The following MACROD2 variants were observed in gnomAD, a reference collection of about 807,000 sequenced individuals.
The protein encoded by MACROD2 is mono-ADP ribosylhydrolase 2.
A neutral mutation model predicts 70.4 loss-of-function variants in MACROD2; 36 were observed. The ratio of observed to expected loss-of-function variants is 0.51; its 90% CI spans 0.39 to 0.68. MACROD2 has a LOEUF of 0.68. Ranked by LOEUF, MACROD2 falls within the 30% of genes least tolerant of loss-of-function variation. MACROD2 has a pLI of 0.00. For synonymous variants in MACROD2, 172 were observed against 178.8 expected (o/e 0.96, Z 0.30); for missense variants, 496 against 538.4 (o/e 0.92, Z 0.78).
chr20:15,160,604 C>T (rs799175), intron 5 of MACROD2, among the ~76,000 whole-genome samples: 75,871 of 151,826 alleles, frequency 0.5, 19,142 homozygotes, highest in East Asian at 0.56. Context: ...AAAATAGACA[C>T]GATCCCATTT....
chr20:14,547,338 C>A, intron 4 of MACROD2: 1 of 237,336 alleles, frequency 4.2e-6, no homozygotes. Context: ...AAACAAAGTC[C>A]ATCATACAGA....
intron 15 of MACROD2, among the ~76,000 whole-genome samples, chr20:15,997,849 G>T (rs1391266860): frequency 6.6e-6 from 1 of 152,018 alleles, no homozygotes; most frequent in Non-Finnish European, 1.5e-5. Context: ...CCTTTATTAT[G>T]TTGGAGTACA....
chr20:15,629,090 T>C (rs1568939034), intron 8 of MACROD2, among the ~76,000 whole-genome samples: 1 of 152,230 alleles, frequency 6.6e-6, no homozygotes, highest in Non-Finnish European at 1.5e-5. Context: ...TTCATACTCT[T>C]GTATATTGGG....
chr20:14,951,131 GC>G (rs879801603), intron 5 of MACROD2, among the ~76,000 whole-genome samples: 1 of 152,080 alleles, frequency 6.6e-6, no homozygotes, highest in African/African-American at 2.4e-5. Flanking sequence ...GAGGGTTAGA[GC>G]CATGGTTTAC....
intron 3 of MACROD2, among the ~76,000 whole-genome samples, chr20:14,369,876 A>C (rs1376620665): frequency 6.6e-6 from 1 of 152,244 alleles, no homozygotes; most frequent in Non-Finnish European, 1.5e-5. Context: ...TTTCAGATTT[A>C]ATAAAGCAAA....
intron 2 of MACROD2, among the ~76,000 whole-genome samples, chr20:14,071,668 A>G (rs145508801): frequency 2.4e-3 from 359 of 152,276 alleles, no homozygotes; most frequent in African/African-American, 8.3e-3. Context: ...TCTTGTTCCA[A>G]CAGGATTACA....
chr20:14,938,767 T>TCAAAA (rs372863450), intron 5 of MACROD2, among the ~76,000 whole-genome samples: 24 of 151,858 alleles, frequency 1.6e-4, no homozygotes, highest in South Asian at 6.3e-4. Context: ...GGTGACTGTC[T>TCAAAA]CAAAACAAAA....
intron 7 of MACROD2, among the ~76,000 whole-genome samples, chr20:15,449,972 G>A (rs989393768): frequency 4.6e-5 from 7 of 152,140 alleles, no homozygotes; most frequent in Admixed American, 2.0e-4. Flanking sequence ...TCCAACCTGG[G>A]TGACAGAGTG....
chr20:15,033,783 C>G (rs1330193213), intron 5 of MACROD2, among the ~76,000 whole-genome samples: 1 of 152,168 alleles, frequency 6.6e-6, no homozygotes, highest in Admixed American at 6.5e-5. Context: ...AAAAGATCCT[C>G]TACAGTGACA....
intron 5 of MACROD2, among the ~76,000 whole-genome samples, chr20:15,222,850 T>G (rs2076873589): frequency 6.6e-6 from 1 of 152,262 alleles, no homozygotes; most frequent in Non-Finnish European, 1.5e-5. Flanking sequence ...TGCATTTGTT[T>G]TGCCAAGGAT....
intron 8 of MACROD2, among the ~76,000 whole-genome samples, chr20:15,633,006 A>ACCTT (rs1189627895): frequency 6.7e-6 from 1 of 149,274 alleles, no homozygotes; most frequent in Non-Finnish European, 1.5e-5. Flanking sequence ...CTACCTACCT[A>ACCTT]CTTCCTACAG....
chr20:14,049,265 C>G (rs560254481), intron 2 of MACROD2, among the ~76,000 whole-genome samples: 3 of 150,430 alleles, frequency 2.0e-5, no homozygotes, highest in Middle Eastern at 7.0e-3. Flanking sequence ...TGGGGGAATT[C>G]CCTGATGATA....
intron 8 of MACROD2, among the ~76,000 whole-genome samples, chr20:15,633,070 C>T (rs187072266): frequency 6.6e-6 from 1 of 152,252 alleles, no homozygotes; most frequent in Non-Finnish European, 1.5e-5. Flanking sequence ...ATTGTGAAGA[C>T]TAGAGTGACT....
chr20:14,892,342 G>A (rs757662241), intron 5 of MACROD2, among the ~76,000 whole-genome samples: 2 of 152,028 alleles, frequency 1.3e-5, no homozygotes, highest in African/African-American at 2.4e-5. Flanking sequence ...GGGCTTGGTG[G>A]TGCACGCCTG....
chr20:15,501,884 C>T (rs1200847493), intron 8 of MACROD2, among the ~76,000 whole-genome samples: 2 of 152,144 alleles, frequency 1.3e-5, no homozygotes, highest in Non-Finnish European at 2.9e-5. Context: ...AGGTTAAGGA[C>T]TTATAAAAGA....
In MACROD2 at chr20:15,917,203, C is replaced by T. The variant is rs1481381742; in HGVS notation, c.776-16073C>T. On this transcript the variant is annotated intron_variant, in intron 10 of 17. Coordinates refer to ENST00000684519, the MANE Select transcript of MACROD2 (RefSeq NM_001351661.2). ...TGTCTCTCAAATTTCCTAAAAGATC[C>T]AATTTATCTTACTTCAGACAAAGAG... is the stretch of plus-strand genomic sequence containing the variant. Among the ~76,000 whole-genome samples, 6 of 152,268 alleles carry T rather than the reference C, an allele frequency of 3.9e-5. No individual in the cohort carries two copies. In the East Asian group the frequency reaches 7.7e-4, roughly 20 times the overall value.
chr20:14,771,969 C>A (rs1409789107), intron 5 of MACROD2, among the ~76,000 whole-genome samples: 1 of 151,970 alleles, frequency 6.6e-6, no homozygotes, highest in African/African-American at 2.4e-5. Context: ...AAAAGCATCT[C>A]AAATTTAGGC....
At chr20:14,945,570 A>G (rs1181507853) in intron 5 of MACROD2, among the ~76,000 whole-genome samples, 1 of 152,170 alleles carries the variant, frequency 6.6e-6, no homozygotes, top group African/African-American at 2.4e-5. Flanking sequence ...TCCTTGCTAA[A>G]TAACATCACC....
chr20:14,435,640 G>A (rs2084047850), intron 3 of MACROD2, among the ~76,000 whole-genome samples: 1 of 152,028 alleles, frequency 6.6e-6, no homozygotes, highest in Admixed American at 6.6e-5. Flanking sequence ...TTACATTCTA[G>A]TTGAGGGAAA....
Sources: allele counts gnomAD v4.1 joint callset (sites outside exome capture counted in the v4.1 genomes callset), GRCh38; gene constraint gnomAD v4.1.1; transcripts MANE v1.5; gene names NCBI Gene and HGNC (gene_info 2026-07-23, HGNC 2026-07-21).